The following SSH1 variants were observed in gnomAD, a reference collection of about 807,000 sequenced individuals.
The protein encoded by SSH1 is slingshot protein phosphatase 1.
Under a neutral mutation model 79.7 loss-of-function variants are expected in SSH1, and 43 were observed. The ratio of observed to expected loss-of-function variants is 0.54; its 90% CI spans 0.42 to 0.70. The LOEUF (loss-of-function observed/expected upper bound fraction) is 0.70. Ranked by LOEUF, SSH1 falls within the 30% of genes least tolerant of loss-of-function variation. SSH1 has a pLI of 0.00. For synonymous variants in SSH1, 599 were observed against 538.3 expected (o/e 1.11, Z -1.56); for missense variants, 1,206 against 1,358.8 (o/e 0.89, Z 1.77).
intron 3 of SSH1, among the ~76,000 whole-genome samples, chr12:108,822,467 AAC>A (rs2038159186): frequency 6.7e-6 from 1 of 150,144 alleles, no homozygotes; most frequent in Non-Finnish European, 1.5e-5. Flanking sequence ...GTTTTTAAGA[AAC>A]AGAGTCTCTC....
intron 8 of SSH1, 31 bp from the exon 9 acceptor site, chr12:108,806,425 G>A (rs775107076): frequency 6.2e-7 from 1 of 1,602,480 alleles, no homozygotes; most frequent in Admixed American, 1.7e-5. Flanking sequence ...GGAGAGCAAG[G>A]AGCTGTAGAA....
intron 2 of SSH1, among the ~76,000 whole-genome samples, chr12:108,851,028 C>T (rs915216874): frequency 1.3e-5 from 2 of 152,062 alleles, no homozygotes; most frequent in African/African-American, 2.4e-5. Context: ...ATGACTGCCC[C>T]CATTGGGAAT....
rs2037578280 is a variant in SSH1 at position 108,811,272 on chromosome 12, A to C, written c.458T>G (p.Leu153Arg). The change falls in exon 6 of 15, where the codon CTT becomes CGT. Residue 153 changes from leucine to arginine, a missense_variant. Around this residue, in one of 5 missense-constraint regions of SSH1, gnomAD observed 115 missense variants for 173.9 expected, o/e 0.66. Transcript: ENST00000326495. ...LRLWSDTKIHLDGDGGFSVST... is the reference protein window; with the variant it reads ...LRLWSDTKIHRDGDGGFSVST... ...GAGACCTCCTTACCCATCTCCATCA[A>C]GGTGGATTTTCGTGTCGCTCCACAG... 1 of 1,614,070 alleles carries C rather than the reference A, an allele frequency of 6.2e-7. No individual in the cohort carries two copies. Among genetic ancestry groups the C allele is most frequent in the African/African-American group, 1.3e-5 (1 of 74,924 alleles).
chr12:108,837,778 A>G (rs1025027304), intron 2 of SSH1, among the ~76,000 whole-genome samples: 1 of 145,486 alleles, frequency 6.9e-6, no homozygotes, highest in Non-Finnish European at 1.5e-5. Flanking sequence ...CGAGTTACCA[A>G]TTTTTTTTTT....
chr12:108,817,121 C>T lies in SSH1; in HGVS notation c.318G>A (p.Arg106=). 6.2e-7 allele frequency: 1 copy of T among 1,614,214 alleles called. No homozygotes were observed. Residue 106 remains arginine (R), a synonymous_variant, in exon 5 of 15, where the codon CGG becomes CGA. Transcript: ENST00000326495. ...RLESAWADRV[R]YMVVVYSSGR... ...CGCTGCTGTACACCACCACCATGTA[C>T]CGGACCCGGTCCGCCCAGGCGCTCT...
chr12:108,789,996 CTCTG>C (rs1047755242), intron 14 of SSH1, among the ~76,000 whole-genome samples: 2 of 152,002 alleles, frequency 1.3e-5, no homozygotes, highest in African/African-American at 2.4e-5. Flanking sequence ...ACCCCGCCAG[CTCTG>C]TCTCTCAACA....
At position 108,788,095 on chromosome 12, in the gene SSH1, A is replaced by G; in HGVS notation, c.3043T>C (p.Leu1015=). 3 of 1,611,936 alleles carry G rather than the reference A, an allele frequency of 1.9e-6. No individual in the cohort carries two copies. Among genetic ancestry groups the G allele is most frequent in the Non-Finnish European group, 2.5e-6 (3 of 1,177,976 alleles). The change falls in exon 15 of 15, where the codon TTG becomes CTG. Residue 1015 remains leucine, a synonymous_variant. Coordinates refer to ENST00000326495, the MANE Select transcript of SSH1 (RefSeq NM_018984.4). ...QDTTLSESSF[L]HEPQGTPRDP... ...CTCGGGGTTCCCTGGGGCTCATGCA[A>G]GAAGGAAGATTCACTCAAAGTGGTG...
chr12:108,792,568 C>T lies in SSH1; in HGVS notation c.1611G>A (p.Arg537=). 6.2e-7 allele frequency: 1 copy of T among 1,613,920 alleles called. No homozygotes were observed. The highest frequency in any genetic ancestry group is 8.5e-7 in the Non-Finnish European group (1 of 1,179,892). The change falls in exon 14 of 15, where the codon AGG becomes AGA. Residue 537 remains arginine, a synonymous_variant. Coordinates refer to ENST00000326495, the MANE Select transcript of SSH1 (RefSeq NM_018984.4). ...GSLVHLEDPE[R]EALLEEAAPP... is the part of the protein sequence containing the mutation. ...GAGCAGCTTCCTCCAACAGAGCCTC[C>T]CTCTCCGGATCCTCCAGGTGGACCA...
chr12:108,788,427 C>A lies in SSH1; in HGVS notation c.2711G>T (p.Arg904Leu). The change falls in exon 15 of 15, where the codon CGC (arginine) becomes CTC (leucine). Residue 904 changes from arginine (R) to leucine (L), a missense_variant. Arg to Leu is a moderately radical substitution (Grantham distance 102). This residue lies in a region of SSH1 where 709 missense variants were observed against 730.6 expected (regional missense o/e 0.97). Coordinates refer to ENST00000326495, the MANE Select transcript of SSH1 (RefSeq NM_018984.4). Reference sequence around the variant, plus strand: ...TGAGAAACTACTGGTGTGGTCCAGGCGGTAGAAGAAAGGAGGGGGGCTCTT... The same window carrying A: ...TGAGAAACTACTGGTGTGGTCCAGGAGGTAGAAGAAAGGAGGGGGGCTCTT... ...SLKSPPPFFY[R>L]LDHTSSFSKD... 1 of 1,589,266 alleles carries A rather than the reference C, an allele frequency of 6.3e-7. No individual in the cohort carries two copies. The highest frequency in any genetic ancestry group is 8.5e-7 in the Non-Finnish European group (1 of 1,169,624).
Position 108,857,470 on chromosome 12 carries a change from C to T in SSH1, c.27G>A (p.Ser9=). 2 of 1,132,616 alleles carry T rather than the reference C, an allele frequency of 1.8e-6. No homozygotes were observed. Among genetic ancestry groups the T allele is most frequent in the Middle Eastern group, 3.9e-4 (1 of 2,538 alleles). 70.2% of individuals were successfully genotyped at this position (1,132,616 alleles called of 1,614,324 possible). The change falls in exon 1 of 15, where the codon TCG becomes TCA. Residue 9 remains serine (S), a synonymous_variant. Coordinates refer to ENST00000326495, the MANE Select transcript of SSH1 (RefSeq NM_018984.4). The surrounding 1 kb of genome is among the most constrained non-coding windows in gnomAD (Gnocchi z 4.7). The part of the protein sequence containing the change: MALVTLQR[S]PTPSAASSSA... ...AGGAGGAGGCGGCGCTGGGCGTGGG[C>T]GAGCGCTGCAGGGTCACCAGGGCCA...
At chr12:108,853,306 C>G (rs1052920751) in intron 1 of SSH1, 9 of 985,112 alleles carry the variant, frequency 9.1e-6, no homozygotes, top group Non-Finnish European at 1.1e-5. Flanking sequence ...TAAAAGGCCA[C>G]GAGTTTGGGC....
At chr12:108,842,964 C>T (rs981861016) in intron 2 of SSH1, among the ~76,000 whole-genome samples, 1 of 152,204 alleles carries the variant, frequency 6.6e-6, no homozygotes, top group Non-Finnish European at 1.5e-5. Context: ...AGTATGGGTG[C>T]TCCCTTTTCT....
intron 2 of SSH1, among the ~76,000 whole-genome samples, chr12:108,827,841 C>T (rs994311780): frequency 2.0e-5 from 3 of 152,214 alleles, no homozygotes; most frequent in Admixed American, 6.5e-5. Context: ...AGTTATTCTG[C>T]GTACTCAAAG....
chr12:108,791,332 T>C (rs971619100), intron 14 of SSH1, among the ~76,000 whole-genome samples: 2 of 152,240 alleles, frequency 1.3e-5, no homozygotes, highest in East Asian at 3.9e-4. Context: ...ATAGTTTCCA[T>C]CTCCTGACCT....
intron 3 of SSH1, among the ~76,000 whole-genome samples, chr12:108,822,633 CTCTT>C (rs1452921667): frequency 5.3e-5 from 8 of 152,168 alleles, no homozygotes; most frequent in Admixed American, 5.2e-4. Context: ...TCTTGAATTC[CTCTT>C]TCTAACTGCC....
At position 108,784,120 on chromosome 12, in the gene SSH1, T is replaced by G. The variant is rs937070421; in HGVS notation, c.*3868A>C. 1 of 152,234 alleles carries G rather than the reference T, an allele frequency of 6.6e-6. No individual in the cohort carries two copies. The highest frequency in any genetic ancestry group is 1.5e-5 in the Non-Finnish European group (1 of 68,044). 9.4% of individuals were successfully genotyped at this position (152,234 alleles called of 1,614,324 possible). A position where few individuals can be genotyped will look rare whatever the true frequency, so the allele number is the denominator to read the frequency against. ...TCAGGTGAGATGACTTAATAGGATC[T>G]TGACTAAATTATGTAGCATTTGTTC... On this transcript the variant is annotated 3_prime_UTR_variant, in exon 15 of 15. Transcript: ENST00000326495.
Position 108,856,694 on chromosome 12 carries a change from A to AGG in SSH1, c.69+732_69+733dup, listed in dbSNP as rs1350749316. On this transcript the variant is annotated intron_variant, in intron 1 of 14. Transcript: ENST00000326495. ...CGGGGAAACAATCTCACACGTTTGTAGGGGCACTCCCAGATGCCTGTCTCA... is the reference window on the plus strand; with the variant it reads ...CGGGGAAACAATCTCACACGTTTGTAGGGGGGCACTCCCAGATGCCTGTCTCA... Among the ~76,000 whole-genome samples, 4 of 152,318 alleles carry AGG rather than the reference A, an allele frequency of 2.6e-5. No homozygotes were observed. The East Asian group carries it at 7.7e-4, about 29-fold the overall frequency.
chr12:108,821,999 T>C (rs1258303711), intron 3 of SSH1, among the ~76,000 whole-genome samples: 1 of 152,184 alleles, frequency 6.6e-6, no homozygotes, highest in Non-Finnish European at 1.5e-5. Context: ...CTCCAAGAAA[T>C]GCCCTGAGAT....
chr12:108,798,209 AG>A (rs1392347095), intron 13 of SSH1, among the ~76,000 whole-genome samples: 1 of 152,200 alleles, frequency 6.6e-6, no homozygotes, highest in African/African-American at 2.4e-5. Context: ...TGTCCCAAAA[AG>A]GGGTCAAGAA....
Sources: gnomAD v4.1 joint callset for allele counts (sites outside exome capture counted in the v4.1 genomes callset) on GRCh38, gnomAD v4.1.1 for gene constraint, gnomAD v4.1.1 regional missense constraint, Gnocchi (gnomAD v3.1) non-coding constraint, MANE v1.5 for transcripts, NCBI Gene and HGNC (gene_info 2026-07-23, HGNC 2026-07-21) for gene names.